Variants in PIR observed in about 807,000 individuals in gnomAD.
PIR encodes pirin (iron-binding nuclear protein).
PIR carries 22 observed loss-of-function variants against 24.2 expected under a neutral mutation model. The ratio of observed to expected loss-of-function variants is 0.91; its 90% CI spans 0.65 to 1.30. The LOEUF is 1.30. PIR is among the 50% of genes most tolerant of loss of function. The pLI, the probability that PIR is intolerant of heterozygous loss-of-function variation, is 0.00. For synonymous variants in PIR, 80 were observed against 79.6 expected, an observed-to-expected ratio of 1.00 and a Z score of -0.03; for missense variants, 220 against 220.3, an observed-to-expected ratio of 1.00 and a Z score of 0.01.
chrX:15,489,502 T>C (rs1378099538), intron 2 of PIR, among the ~76,000 whole-genome samples: 1 of 111,885 alleles, frequency 8.9e-6, no homozygotes, highest in African/African-American at 3.3e-5. Flanking sequence ...CAATATATAA[T>C]AGTGGCTTAG....
chrX:15,433,214 G>C (rs1391621153), intron 5 of PIR, among the ~76,000 whole-genome samples: 1 of 111,236 alleles, frequency 9.0e-6, no homozygotes, highest in Admixed American at 9.6e-5. Context: ...GCTCACTTAG[G>C]CAGATGCTCA....
At chrX:15,447,164 G>T (rs1408434931) in intron 5 of PIR, among the ~76,000 whole-genome samples, 2 of 112,400 alleles carry the variant, frequency 1.8e-5, no homozygotes, top group Non-Finnish European at 3.8e-5. Context: ...ACACATTTGA[G>T]TGTGAGTTTG....
chrX:15,404,940 C>G lies in PIR; in HGVS notation c.610+2566G>C, dbSNP rs1384034163. Among the ~76,000 whole-genome samples the G allele has an allele frequency of 6.3e-5, 7 of 111,336 alleles. No individual in the cohort carries two copies. In the Admixed American group the frequency reaches 6.7e-4, roughly 11 times the overall value. On this transcript the variant is annotated intron_variant, in intron 7 of 9. Coordinates refer to ENST00000380420, the MANE Select transcript of PIR (RefSeq NM_001018109.3). ...CTTTGCTCCAAGGCTACAGACCCAT[C>G]CCTTGCCAGATGTTTTGCACTGTGG...
intron 6 of PIR, among the ~76,000 whole-genome samples, chrX:15,416,564 T>C (rs960414652): frequency 8.9e-6 from 1 of 111,816 alleles, no homozygotes; most frequent in African/African-American, 3.2e-5. Context: ...GGAGGTCGAC[T>C]CTAAGACGTC....
intron 6 of PIR, among the ~76,000 whole-genome samples, chrX:15,421,202 G>A (rs971075095): frequency 8.9e-6 from 1 of 111,762 alleles, no homozygotes; most frequent in African/African-American, 3.2e-5. Context: ...CACGGATAGT[G>A]AAGGCTTATG....
chrX:15,455,853 T>C lies in PIR; in HGVS notation c.475A>G (p.Ile159Val), dbSNP rs770779063. 9 of 1,203,640 alleles carry C rather than the reference T, an allele frequency of 7.5e-6. No individual in the cohort carries two copies. In the South Asian group the frequency reaches 1.2e-4, roughly 16 times the overall value. Reference sequence around the variant, plus strand: ...GACACAATAGCCTGGCTTACCTTTATTCCCAGGGCTTCTCCAGAAATGACA... The same window carrying C: ...GACACAATAGCCTGGCTTACCTTTACTCCCAGGGCTTCTCCAGAAATGACA... ...VAVISGEALG[I>V]KSKVYTRTPT... The change falls in exon 5 of 10, where the codon ATA (isoleucine) becomes GTA (valine). Residue 159 changes from isoleucine to valine, a missense_variant. Physicochemically the swap from Ile to Val is conservative, Grantham distance 29 (BLOSUM62 3). Coordinates refer to ENST00000380420, the MANE Select transcript of PIR (RefSeq NM_001018109.3).
At chrX:15,438,103 T>C (rs1245416765) in intron 5 of PIR, among the ~76,000 whole-genome samples, 1 of 112,584 alleles carries the variant, frequency 8.9e-6, no homozygotes, top group Admixed American at 9.4e-5. Context: ...GCCTCCTGTG[T>C]ATCCACAAAC....
Position 15,484,934 on chromosome X carries a change from A to C in PIR, c.97-5113T>G, listed in dbSNP as rs748030098. Among the ~76,000 whole-genome samples the C allele has an allele frequency of 1.5e-4, 17 of 112,202 alleles. 1 individual carries two copies. Among genetic ancestry groups the C allele is most frequent in the African/African-American group, 5.5e-4 (17 of 30,900 alleles). ...GAAATAATTTAAAGGCAGAATTGTT[A>C]ATCAAAAGAGAAGCAGAACTTAAAG... On this transcript the variant is annotated intron_variant, in intron 2 of 9. Transcript: ENST00000380420.
At chrX:15,415,553 T>C (rs1306636941) in intron 6 of PIR, among the ~76,000 whole-genome samples, 2 of 111,961 alleles carry the variant, frequency 1.8e-5, no homozygotes, top group East Asian at 5.5e-4. Context: ...GTTCAAGAGA[T>C]CTATTGTACA....
At chrX:15,446,562 C>T (rs1035990654) in intron 5 of PIR, among the ~76,000 whole-genome samples, 6 of 111,907 alleles carry the variant, frequency 5.4e-5, no homozygotes, top group East Asian at 5.6e-4. Context: ...TCCTGGGCCG[C>T]GAGTTGAATA....
chrX:15,442,071 A>AT (rs1235696387), intron 5 of PIR, among the ~76,000 whole-genome samples: 2,783 of 100,136 alleles, frequency 0.028, 77 homozygotes, highest in African/African-American at 0.083. Context: ...AAATATATGT[A>AT]TTTTTTTTTT....
intron 5 of PIR, among the ~76,000 whole-genome samples, chrX:15,447,312 G>GT (rs1926136886): frequency 1.0e-5 from 1 of 95,429 alleles, no homozygotes; most frequent in Non-Finnish European, 2.1e-5. Context: ...TTGGTTTTTT[G>GT]GTTTTTTTTT....
chrX:15,473,724 T>C (rs1259651183), intron 3 of PIR, among the ~76,000 whole-genome samples: 1 of 110,959 alleles, frequency 9.0e-6, no homozygotes, highest in African/African-American at 3.3e-5. Flanking sequence ...ACCCAGCTAA[T>C]TTTTGTATTT....
chrX:15,470,087 G>T (rs1369855618), intron 3 of PIR, among the ~76,000 whole-genome samples: 1 of 111,784 alleles, frequency 8.9e-6, no homozygotes, highest in Non-Finnish European at 1.9e-5. Context: ...GTTCCAGAAG[G>T]AGTGGTAGCA....
chrX:15,398,382 T>C (rs901178821), intron 7 of PIR, among the ~76,000 whole-genome samples: 36 of 111,401 alleles, frequency 3.2e-4, no homozygotes, highest in Non-Finnish European at 5.1e-4. Flanking sequence ...TAAGCAAAGT[T>C]CAATAAGAGA....
At chrX:15,417,201 C>T (rs1203958637) in intron 6 of PIR, among the ~76,000 whole-genome samples, 1 of 106,313 alleles carries the variant, frequency 9.4e-6, no homozygotes. Flanking sequence ...CTGCCCACCT[C>T]AGCCTACCAA....
At chrX:15,486,674 C>T (rs1336797041) in intron 2 of PIR, among the ~76,000 whole-genome samples, 1 of 111,258 alleles carries the variant, frequency 9.0e-6, no homozygotes, top group African/African-American at 3.3e-5. Context: ...TTTGCCCTTC[C>T]CCTCTTCCTC....
intron 9 of PIR, among the ~76,000 whole-genome samples, chrX:15,389,419 G>A (rs1371216621): frequency 1.7e-4 from 19 of 111,851 alleles, no homozygotes. Context: ...GAGCAGCTGG[G>A]GTTTATCTGC....
chrX:15,469,118 C>T (rs948943823), intron 3 of PIR, among the ~76,000 whole-genome samples: 2 of 111,308 alleles, frequency 1.8e-5, no homozygotes, highest in Non-Finnish European at 3.8e-5. Context: ...TTATAGAATA[C>T]TCCTCAATGG....
Sources: allele counts gnomAD v4.1 joint callset (sites outside exome capture counted in the v4.1 genomes callset), GRCh38; gene constraint gnomAD v4.1.1; transcripts MANE v1.5; gene names NCBI Gene and HGNC (gene_info 2026-07-23, HGNC 2026-07-21).